EYA4: variants seen among roughly 807,000 people sequenced by gnomAD.
The protein encoded by EYA4 is EYA transcriptional coactivator and phosphatase 4.
Under a neutral mutation model 87.9 loss-of-function variants are expected in EYA4, and 31 were observed. The observed-to-expected ratio is 0.35, with a 90% CI of 0.27 to 0.48. EYA4 has a LOEUF of 0.48. Among genes scored for constraint, EYA4 ranks in the 20% least tolerant of loss-of-function variants. The pLI, the probability that EYA4 is intolerant of heterozygous loss-of-function variation, is 0.99. For missense variants in EYA4, 678 were observed against 761.4 expected, an observed-to-expected ratio of 0.89 and a Z score of 1.29; for synonymous variants, 263 against 270.6, an observed-to-expected ratio of 0.97 and a Z score of 0.28.
intron 3 of EYA4, among the ~76,000 whole-genome samples, chr6:133,388,388 CAG>C (rs1161574015): frequency 7.0e-6 from 1 of 141,940 alleles, no homozygotes; most frequent in Non-Finnish European, 1.5e-5. Flanking sequence ...GCCTGGGCAA[CAG>C]AGTGAGACTC....
chr6:133,413,331 T>C (rs763367517), intron 3 of EYA4, among the ~76,000 whole-genome samples: 3 of 152,168 alleles, frequency 2.0e-5, no homozygotes, highest in Non-Finnish European at 2.9e-5. Flanking sequence ...GCCTGTCTAT[T>C]GTGCCTCATT....
chr6:133,364,556 T>G (rs1784711734), intron 2 of EYA4, among the ~76,000 whole-genome samples: 2 of 152,212 alleles, frequency 1.3e-5, no homozygotes, highest in African/African-American at 2.4e-5. Context: ...GGAAGACACA[T>G]TGTATGTACA....
intron 2 of EYA4, among the ~76,000 whole-genome samples, chr6:133,343,495 T>C (rs1053144959): frequency 6.6e-6 from 1 of 151,760 alleles, no homozygotes; most frequent in Non-Finnish European, 1.5e-5. Flanking sequence ...CCTCGGTGCT[T>C]CCCGAGTTCC....
chr6:133,504,404 A>G (rs1328350673), intron 13 of EYA4, among the ~76,000 whole-genome samples: 4 of 152,212 alleles, frequency 2.6e-5, no homozygotes, highest in African/African-American at 4.8e-5. Context: ...GTCAGCATCC[A>G]TTACTGAGAA....
At chr6:133,515,512 T>C in intron 17 of EYA4, 77 bp downstream of exon 17, 1 of 961,452 alleles carries the variant, frequency 1.0e-6, no homozygotes, top group Non-Finnish European at 1.7e-6. Context: ...AAAAAATGTT[T>C]TAATTCCTAG....
rs1801001171 is a variant in EYA4, at chr6:133,531,350, C to T, written c.*2545C>T. 3.0e-6 allele frequency: 2 copies of T among 659,550 alleles called. No homozygotes were observed. Among genetic ancestry groups the T allele is most frequent in the East Asian group, 2.9e-5 (1 of 34,140 alleles). The allele number at this position is 659,550 out of a possible 1,614,324, so 40.9% of individuals were successfully genotyped here. On this transcript the variant is annotated 3_prime_UTR_variant, in exon 20 of 20. Transcript: ENST00000355286. ...GCACAAACTAGAACTCTTCCCTTCCCACCTTAGGAATAGAAAATCCTCTTC... is the reference window on the plus strand; with the variant it reads ...GCACAAACTAGAACTCTTCCCTTCCTACCTTAGGAATAGAAAATCCTCTTC...
At chr6:133,521,229 G>C in intron 17 of EYA4, among the ~76,000 whole-genome samples, 1 of 151,842 alleles carries the variant, frequency 6.6e-6, no homozygotes, top group Non-Finnish European at 1.5e-5. Flanking sequence ...ACAAAGGGCT[G>C]ATATCCAGAA....
chr6:133,514,912 A>G lies in EYA4; in HGVS notation c.1502-409A>G, dbSNP rs368174099. ...TTATTAAGAAGCTAAACGTTTTCAG[A>G]CAGTCAAAACATTTGGGATTTGTGT... is the stretch of plus-strand genomic sequence containing the variant. On this transcript the variant is annotated intron_variant, in intron 16 of 19. Coordinates refer to ENST00000355286, the MANE Select transcript of EYA4 (RefSeq NM_004100.5). Among the ~76,000 whole-genome samples, 22 of 152,340 alleles carry G rather than the reference A, an allele frequency of 1.4e-4. 1 individual carries two copies. In the East Asian group the frequency reaches 3.5e-3, roughly 24 times the overall value.
At chr6:133,439,958 C>T (rs767790828) in intron 3 of EYA4, among the ~76,000 whole-genome samples, 4 of 152,156 alleles carry the variant, frequency 2.6e-5, no homozygotes, top group Non-Finnish European at 5.9e-5. Context: ...TTTGAATGTG[C>T]AGGGTTTGGA....
At chr6:133,524,999 G>T in intron 18 of EYA4, 155 bp from the exon 19 acceptor site, 3 of 1,599,434 alleles carry the variant, frequency 1.9e-6, no homozygotes, top group Non-Finnish European at 2.6e-6. Flanking sequence ...AGAATAAGCA[G>T]TGCATTGTTT....
intron 11 of EYA4, among the ~76,000 whole-genome samples, chr6:133,479,156 C>T (rs1399970760): frequency 6.6e-6 from 1 of 152,054 alleles, no homozygotes; most frequent in African/African-American, 2.4e-5. Context: ...TAGGAAAATT[C>T]TGTTTCAAAA....
chr6:133,490,391 A>AC (rs967318819), intron 13 of EYA4, among the ~76,000 whole-genome samples: 4 of 142,418 alleles, frequency 2.8e-5, no homozygotes, highest in African/African-American at 1.2e-4. Context: ...ATTAAAAAAA[A>AC]ACAAAAAAAA....
At chr6:133,524,465 G>A (rs954336424) in intron 18 of EYA4, among the ~76,000 whole-genome samples, 20 of 152,132 alleles carry the variant, frequency 1.3e-4, no homozygotes, top group African/African-American at 4.3e-4. Flanking sequence ...GAAATTCCAC[G>A]GTGATGTTCC....
At chr6:133,347,678 C>T (rs1783299264) in intron 2 of EYA4, among the ~76,000 whole-genome samples, 1 of 152,184 alleles carries the variant, frequency 6.6e-6, no homozygotes, top group African/African-American at 2.4e-5. Context: ...CTCACTTTAA[C>T]TTTATGCATA....
At chr6:133,316,170 A>G (rs192687159) in intron 2 of EYA4, among the ~76,000 whole-genome samples, 76 of 152,308 alleles carry the variant, frequency 5.0e-4, no homozygotes, top group Non-Finnish European at 8.1e-4. Context: ...ATTCTCTTAA[A>G]AGCCTGAAAA....
At chr6:133,385,216 G>A (rs1028510114) in intron 3 of EYA4, among the ~76,000 whole-genome samples, 16 of 150,136 alleles carry the variant, frequency 1.1e-4, no homozygotes, top group African/African-American at 3.4e-4. Flanking sequence ...GGAGAATGGC[G>A]TGAACCTGGA....
intron 2 of EYA4, among the ~76,000 whole-genome samples, chr6:133,307,641 G>T (rs999831724): frequency 6.6e-6 from 1 of 152,092 alleles, no homozygotes; most frequent in Admixed American, 6.6e-5. Context: ...CCTATATAAT[G>T]ACAATAGTAC....
chr6:133,285,085 C>T (rs917045016), intron 2 of EYA4, among the ~76,000 whole-genome samples: 10 of 150,506 alleles, frequency 6.6e-5, no homozygotes, highest in African/African-American at 2.4e-4. Flanking sequence ...CAAGCTCCAC[C>T]TCCCGGGTTC....
At chr6:133,502,056 TCTCTCTCTCTCTCTCA>T (rs1432373495) in intron 13 of EYA4, among the ~76,000 whole-genome samples, 1 of 151,204 alleles carries the variant, frequency 6.6e-6, no homozygotes, top group Non-Finnish European at 1.5e-5. Flanking sequence ...TCTCTCTCTC[TCTCTCTCTCTCTCTCA>T]CTCTCTCTCT....
Sources: allele counts gnomAD v4.1 joint callset (sites outside exome capture counted in the v4.1 genomes callset), GRCh38; gene constraint gnomAD v4.1.1; transcripts MANE v1.5; gene names NCBI Gene and HGNC (gene_info 2026-07-23, HGNC 2026-07-21).